Variants in MYRFL observed in about 807,000 individuals in gnomAD.
MYRFL encodes the protein myelin regulatory factor like.
MYRFL carries 88 observed loss-of-function variants against 109.4 expected under a neutral mutation model. The ratio of observed to expected loss-of-function variants is 0.80; its 90% CI spans 0.68 to 0.96. The LOEUF (loss-of-function observed/expected upper bound fraction) is 0.96. Ranked by LOEUF, MYRFL falls within the 40% of genes least tolerant of loss-of-function variation. The pLI is 0.00. For missense variants in MYRFL, 957 were observed against 954.9 expected (o/e 1.00, Z -0.03); for synonymous variants, 324 against 320.9 (o/e 1.01, Z -0.10).
At chr12:69,946,869 T>G (rs1010566298) in intron 19 of MYRFL, 5 of 152,272 alleles carry the variant, frequency 3.3e-5, no homozygotes, top group African/African-American at 1.2e-4. Context: ...CTATCCTGCC[T>G]CCATTGATTT....
intron 1 of MYRFL, among the ~76,000 whole-genome samples, chr12:69,848,525 G>A (rs949868749): frequency 3.3e-5 from 5 of 151,742 alleles, no homozygotes; most frequent in Non-Finnish European, 5.9e-5. Flanking sequence ...GGATCTTTCT[G>A]CATTACATTT....
chr12:69,900,020 G>A (rs1426766391), intron 10 of MYRFL, among the ~76,000 whole-genome samples: 1 of 152,112 alleles, frequency 6.6e-6, no homozygotes. Context: ...CTGGTTTGGA[G>A]TGCAGTGTTG....
chr12:69,913,426 A>G (rs918545230), intron 13 of MYRFL, among the ~76,000 whole-genome samples: 6 of 152,142 alleles, frequency 3.9e-5, no homozygotes, highest in Non-Finnish European at 8.8e-5. Context: ...GAAGAGTTTT[A>G]TAATTTTAGG....
At chr12:69,906,386 C>T (rs1319443166) in intron 11 of MYRFL, among the ~76,000 whole-genome samples, 1 of 152,128 alleles carries the variant, frequency 6.6e-6, no homozygotes, top group African/African-American at 2.4e-5. Flanking sequence ...GAAGGACATG[C>T]AGCTCTGACG....
At chr12:69,949,090 A>G (rs773404412) in intron 19 of MYRFL, among the ~76,000 whole-genome samples, 28 of 152,238 alleles carry the variant, frequency 1.8e-4, no homozygotes, top group Non-Finnish European at 3.1e-4. Flanking sequence ...AGGAGCTCAC[A>G]GTTAGGTGAA....
chr12:69,863,180 G>A (rs1228463749), intron 2 of MYRFL, among the ~76,000 whole-genome samples: 85 of 152,152 alleles, frequency 5.6e-4, no homozygotes, highest in Admixed American at 2.6e-4. Context: ...TTTTGCATCA[G>A]TGTTCATCAA....
chr12:69,891,531 A>T (rs1886802520), intron 7 of MYRFL, among the ~76,000 whole-genome samples: 1 of 151,192 alleles, frequency 6.6e-6, no homozygotes, highest in African/African-American at 2.4e-5. Flanking sequence ...AAGGATAAAC[A>T]TTGCAAGACA....
Position 69,958,501 on chromosome 12 carries a change from C to T in MYRFL, c.2703C>T (p.Tyr901=). The change falls in exon 25 of 25, where the codon TAC becomes TAT. Residue 901 remains tyrosine, a synonymous_variant. Transcript: ENST00000552032. ...TTGCTGGGATATTCTTCACCGATTA[C>T]TTCTTTTACTTCTATCGACGCTGTG... is the stretch of plus-strand genomic sequence containing the variant. ...PYFAGIFFTD[Y]FFYFYRRCA is the part of the protein sequence containing the mutation. The T allele has an allele frequency of 1.3e-6, 2 of 1,535,276 alleles. No individual in the cohort carries two copies. Among genetic ancestry groups the T allele is most frequent in the Non-Finnish European group, 1.7e-6 (2 of 1,146,708 alleles).
intron 1 of MYRFL, among the ~76,000 whole-genome samples, chr12:69,848,448 A>G (rs1883686150): frequency 6.6e-6 from 1 of 151,972 alleles, no homozygotes; most frequent in Admixed American, 6.5e-5. Context: ...TCTTCATTCT[A>G]TCAGAATTTT....
At chr12:69,920,116 G>A (rs1954862103) in intron 13 of MYRFL, among the ~76,000 whole-genome samples, 1 of 152,160 alleles carries the variant, frequency 6.6e-6, no homozygotes, top group African/African-American at 2.4e-5. Context: ...TGGGTGAGGT[G>A]AGAGGGAACT....
At chr12:69,917,444 T>C (rs963653266) in intron 13 of MYRFL, among the ~76,000 whole-genome samples, 1 of 149,924 alleles carries the variant, frequency 6.7e-6, no homozygotes, top group Non-Finnish European at 1.5e-5. Flanking sequence ...AGCAGAAATT[T>C]ATGCGTTTTA....
rs1885872559 is a variant in MYRFL, at chr12:69,879,013, G to A, written c.138-15G>A. ...AGAGTGAAACAAAAACGCAATGTAT[G>A]TCTCTAATCTTCAGGCAACGCCAGC... On this transcript the variant is annotated splice_polypyrimidine_tract_variant and intron_variant, in intron 2 of 24. Transcript: ENST00000552032. The A allele has an allele frequency of 5.7e-6, 4 of 702,870 alleles. No homozygotes were observed. The East Asian group carries it at 8.0e-5, about 14-fold the overall frequency. The allele number at this position is 702,870 out of a possible 1,614,324, so 43.5% of individuals were successfully genotyped here.
chr12:69,911,431 G>C (rs553705008), intron 13 of MYRFL, among the ~76,000 whole-genome samples: 3 of 152,118 alleles, frequency 2.0e-5, no homozygotes, highest in Admixed American at 6.6e-5. Context: ...TGATGAAACG[G>C]TGTTTGACTT....
intron 1 of MYRFL, among the ~76,000 whole-genome samples, chr12:69,846,467 A>G (rs1412477710): frequency 6.6e-6 from 1 of 151,084 alleles, no homozygotes; most frequent in Non-Finnish European, 1.5e-5. Flanking sequence ...TGTTCTTGCG[A>G]TAGTTCACTG....
intron 1 of MYRFL, among the ~76,000 whole-genome samples, chr12:69,851,468 G>T (rs11177901): frequency 0.11 from 16,363 of 152,114 alleles, 1,215 homozygotes; most frequent in Middle Eastern, 0.18. Context: ...AAACTATTGG[G>T]TAAAAATTTG....
At chr12:69,845,793 A>G (rs1395255905) in intron 1 of MYRFL, among the ~76,000 whole-genome samples, 4 of 29,818 alleles carry the variant, frequency 1.3e-4, no homozygotes, top group South Asian at 1.5e-3. Flanking sequence ...GGGAAAAGCG[A>G]AAAAAAAAAA....
chr12:69,928,386 A>T (rs1955165409), intron 15 of MYRFL, among the ~76,000 whole-genome samples: 1 of 152,206 alleles, frequency 6.6e-6, no homozygotes, highest in South Asian at 2.1e-4. Flanking sequence ...TAGCTACAAA[A>T]CTCAGCTTGC....
chr12:69,891,601 CTTT>C, intron 7 of MYRFL, among the ~76,000 whole-genome samples: 1 of 134,008 alleles, frequency 7.5e-6, no homozygotes, highest in African/African-American at 3.1e-5. Context: ...TTCTTTCTTT[CTTT>C]CTCTTTCTTT....
intron 9 of MYRFL, among the ~76,000 whole-genome samples, chr12:69,896,499 A>AGTC (rs1389028226): frequency 4.6e-5 from 7 of 152,324 alleles, no homozygotes; most frequent in African/African-American, 1.7e-4. Flanking sequence ...GAAGTGGTCT[A>AGTC]GTCTTAAAAC....
Sources: allele counts gnomAD v4.1 joint callset (sites outside exome capture counted in the v4.1 genomes callset), GRCh38; gene constraint gnomAD v4.1.1; transcripts MANE v1.5; gene names NCBI Gene and HGNC (gene_info 2026-07-23, HGNC 2026-07-21).